Variants in ATRNL1 observed in about 807,000 individuals in gnomAD.
ATRNL1 encodes attractin-like protein 1.
ATRNL1 carries 95 observed loss-of-function variants against 182.7 expected under a neutral mutation model. The observed-to-expected ratio is 0.52, with a 90% CI of 0.44 to 0.62. The LOEUF is 0.62. Among genes scored for constraint, ATRNL1 ranks in the 20% least tolerant of loss-of-function variants. ATRNL1 has a pLI of 0.00. For missense variants in ATRNL1, 1,471 were observed against 1,679.5 expected (o/e 0.88, Z 2.17); for synonymous variants, 576 against 568.3 (o/e 1.01, Z -0.19).
chr10:115,479,513 A>G (rs1554973740), intron 24 of ATRNL1, among the ~76,000 whole-genome samples: 1 of 151,458 alleles, frequency 6.6e-6, no homozygotes, highest in East Asian at 1.9e-4. Flanking sequence ...TTGTCTTCAA[A>G]CTTTAATAGG....
chr10:115,509,980 C>T (rs555474455), intron 24 of ATRNL1, among the ~76,000 whole-genome samples: 1 of 152,042 alleles, frequency 6.6e-6, no homozygotes, highest in African/African-American at 2.4e-5. Context: ...TTCCCACCCT[C>T]ATAGATGACT....
Position 115,191,954 on chromosome 10 carries a change from C to T in ATRNL1, c.1348+20662C>T, listed in dbSNP as rs532559705. Among the ~76,000 whole-genome samples, 310 of 152,020 alleles carry T rather than the reference C, an allele frequency of 2.0e-3. 1 individual carries two copies. Among genetic ancestry groups the T allele is most frequent in the African/African-American group, 7.2e-3 (300 of 41,514 alleles). On this transcript the variant is annotated intron_variant, in intron 8 of 28. Coordinates refer to ENST00000355044, the MANE Select transcript of ATRNL1 (RefSeq NM_207303.4). ...CCATTTAAAAATAAGATCTTTTTTT[C>T]CCTATTGAGTTGTTTGACAACTTTG...
intron 21 of ATRNL1, among the ~76,000 whole-genome samples, chr10:115,435,754 T>C (rs563806506): frequency 9.8e-5 from 15 of 152,334 alleles, no homozygotes; most frequent in African/African-American, 3.6e-4. Context: ...AACCTTTTGT[T>C]TCCATCCTAA....
At chr10:115,105,920 A>C (rs527669481) in intron 1 of ATRNL1, among the ~76,000 whole-genome samples, 2 of 152,240 alleles carry the variant, frequency 1.3e-5, no homozygotes, top group South Asian at 4.1e-4. Context: ...GTGGGGTTGG[A>C]GCCCCCACAC....
chr10:115,272,500 TCC>T (rs1554913500), intron 13 of ATRNL1, among the ~76,000 whole-genome samples: 3 of 152,128 alleles, frequency 2.0e-5, no homozygotes, highest in South Asian at 4.1e-4. Context: ...AATTATTCCT[TCC>T]TCTGGAATTA....
chr10:115,832,769 C>G (rs78294855), intron 27 of ATRNL1, among the ~76,000 whole-genome samples: 5,931 of 152,198 alleles, frequency 0.039, 344 homozygotes, highest in African/African-American at 0.12. Context: ...CTTTTGCTGT[C>G]CTTGCTTGCT....
chr10:115,782,159 C>T (rs1288359610), intron 27 of ATRNL1, among the ~76,000 whole-genome samples: 3 of 152,166 alleles, frequency 2.0e-5, no homozygotes, highest in Non-Finnish European at 4.4e-5. Flanking sequence ...GTAAGGAGGC[C>T]ATATGCCACA....
At chr10:115,824,169 C>T (rs1273658854) in intron 27 of ATRNL1, among the ~76,000 whole-genome samples, 1 of 152,138 alleles carries the variant, frequency 6.6e-6, no homozygotes, top group African/African-American at 2.4e-5. Context: ...CAAAAACAAG[C>T]AATGGGGAAA....
rs139747195 is a variant in ATRNL1 at position 115,494,215 on chromosome 10, C to G, written c.3654+24886C>G. The stretch of plus-strand genomic sequence containing the variant: ...CTGAAACTTTGCTGATGTTGTTTAT[C>G]AGATCTAGGAGCTTTTGGTCAGACA... On this transcript the variant is annotated intron_variant, in intron 24 of 28. Coordinates refer to ENST00000355044, the MANE Select transcript of ATRNL1 (RefSeq NM_207303.4). Among the ~76,000 whole-genome samples, 16 of 152,218 alleles carry G rather than the reference C, an allele frequency of 1.1e-4. No homozygotes were observed. The East Asian group carries it at 3.1e-3, about 29-fold the overall frequency.
intron 27 of ATRNL1, among the ~76,000 whole-genome samples, chr10:115,839,704 C>T (rs916172961): frequency 3.3e-5 from 5 of 152,148 alleles, no homozygotes; most frequent in African/African-American, 2.4e-5. Flanking sequence ...ATAACTCTTC[C>T]AGTGCATTCA....
intron 26 of ATRNL1, among the ~76,000 whole-genome samples, chr10:115,679,703 C>G (rs984462437): frequency 1.1e-4 from 16 of 152,044 alleles, no homozygotes; most frequent in Non-Finnish European, 2.1e-4. Flanking sequence ...TTAATCATAT[C>G]TTTGATACTG....
intron 26 of ATRNL1, among the ~76,000 whole-genome samples, chr10:115,643,362 G>GA (rs1361030011): frequency 1.3e-5 from 2 of 152,098 alleles, no homozygotes; most frequent in South Asian, 4.2e-4. Context: ...ACGTAAAGCT[G>GA]AAAATCATAA....
intron 28 of ATRNL1, among the ~76,000 whole-genome samples, chr10:115,854,801 A>G (rs1951142241): frequency 6.6e-6 from 1 of 152,164 alleles, no homozygotes; most frequent in South Asian, 2.1e-4. Flanking sequence ...GTGAAGTTCT[A>G]TAGATTTTAT....
intron 28 of ATRNL1, among the ~76,000 whole-genome samples, chr10:115,941,843 ATAAT>A (rs1349683350): frequency 6.6e-6 from 1 of 152,240 alleles, no homozygotes; most frequent in East Asian, 1.9e-4. Flanking sequence ...AAATAATGAA[ATAAT>A]TATTTACTAC....
At chr10:115,868,369 G>C (rs994645881) in intron 28 of ATRNL1, among the ~76,000 whole-genome samples, 1 of 152,028 alleles carries the variant, frequency 6.6e-6, no homozygotes, top group Non-Finnish European at 1.5e-5. Flanking sequence ...ACCCGTGACC[G>C]CCAAGTCTCT....
At chr10:115,094,579 T>TTGC (rs1554862687) in intron 1 of ATRNL1, among the ~76,000 whole-genome samples, 1 of 152,224 alleles carries the variant, frequency 6.6e-6, no homozygotes, top group African/African-American at 2.4e-5. Flanking sequence ...TATGATGGAC[T>TTGC]TGCTAAGTGC....
chr10:115,482,392 T>C (rs939153032), intron 24 of ATRNL1, among the ~76,000 whole-genome samples: 4 of 151,040 alleles, frequency 2.6e-5, no homozygotes, highest in African/African-American at 7.3e-5. Context: ...TAAACACTTA[T>C]GTAAGATAAT....
At chr10:115,145,161 A>G (rs1845918823) in intron 5 of ATRNL1, among the ~76,000 whole-genome samples, 1 of 152,214 alleles carries the variant, frequency 6.6e-6, no homozygotes, top group Non-Finnish European at 1.5e-5. Context: ...TTCTAAGCAT[A>G]CATATTTTGA....
Position 115,516,954 on chromosome 10 carries a change from A to G in ATRNL1, c.3655-2309A>G, listed in dbSNP as rs147140247. Among the ~76,000 whole-genome samples, 1,260 of 151,954 alleles carry G rather than the reference A, an allele frequency of 8.3e-3. 17 individuals carry two copies. Among genetic ancestry groups the G allele is most frequent in the African/African-American group, 0.029 (1,199 of 41,516 alleles). ...CTGTCAACAATTGTGATATCCCCCTACAAGTTCACCTGGTTATTTTCTCCC... is the reference window on the plus strand; with the variant it reads ...CTGTCAACAATTGTGATATCCCCCTGCAAGTTCACCTGGTTATTTTCTCCC... On this transcript the variant is annotated intron_variant, in intron 24 of 28. Transcript: ENST00000355044.
Sources: allele counts gnomAD v4.1 joint callset (sites outside exome capture counted in the v4.1 genomes callset), GRCh38; gene constraint gnomAD v4.1.1; transcripts MANE v1.5; gene names NCBI Gene and HGNC (gene_info 2026-07-23, HGNC 2026-07-21).